The following SRGAP1 variants were observed in gnomAD, a reference collection of about 807,000 sequenced individuals.
The protein encoded by SRGAP1 is SLIT-ROBO Rho GTPase-activating protein 1.
In SRGAP1, 43 loss-of-function variants were observed where a neutral mutation model predicts 121.9. The ratio of observed to expected loss-of-function variants is 0.35; its 90% CI spans 0.28 to 0.46. SRGAP1 has a LOEUF of 0.46. SRGAP1 is among the 20% of genes least tolerant of loss of function. The pLI is 1.00. For missense variants in SRGAP1, 1,102 were observed against 1,350.9 expected (o/e 0.82, Z 2.89); for synonymous variants, 447 against 485.4 (o/e 0.92, Z 1.04).
chr12:64,015,373 G>A (rs983684694), intron 3 of SRGAP1, among the ~76,000 whole-genome samples: 4 of 152,032 alleles, frequency 2.6e-5, no homozygotes, highest in African/African-American at 9.7e-5. Context: ...TCACTCTTGA[G>A]TGATTTGTAA....
intron 14 of SRGAP1, 51 bp downstream of exon 14, chr12:64,095,255 T>C: frequency 6.5e-7 from 1 of 1,530,066 alleles, no homozygotes; most frequent in Non-Finnish European, 9.0e-7. Flanking sequence ...AGTCATCATG[T>C]TCTGTAAACT....
intron 1 of SRGAP1, among the ~76,000 whole-genome samples, chr12:63,874,913 C>T (rs563365897): frequency 3.3e-5 from 5 of 152,018 alleles, no homozygotes; most frequent in African/African-American, 1.2e-4. Context: ...GTCTTTGGTC[C>T]CTTATAAAAA....
At chr12:64,101,007 G>A (rs1378085434) in intron 15 of SRGAP1, among the ~76,000 whole-genome samples, 4 of 152,124 alleles carry the variant, frequency 2.6e-5, no homozygotes, top group African/African-American at 9.7e-5. Context: ...CATTTAAGAG[G>A]CTTAAAATGT....
At chr12:64,137,962 AT>A (rs199664445) in intron 21 of SRGAP1, among the ~76,000 whole-genome samples, 2,587 of 111,682 alleles carry the variant, frequency 0.023, 77 homozygotes, top group African/African-American at 0.072. Context: ...TAAAAAAAAA[AT>A]ATATATATAT....
chr12:63,848,273 A>G (rs1898969223), intron 1 of SRGAP1, among the ~76,000 whole-genome samples: 1 of 152,058 alleles, frequency 6.6e-6, no homozygotes, highest in African/African-American at 2.4e-5. Flanking sequence ...CCACCTCCCA[A>G]AGTGCTGGGA....
chr12:63,905,054 A>G (rs2030136230), intron 1 of SRGAP1, among the ~76,000 whole-genome samples: 1 of 152,136 alleles, frequency 6.6e-6, no homozygotes. Context: ...TTCCAGGAAA[A>G]TTTATGTATC....
At chr12:64,055,356 A>T (rs1199068178) in intron 6 of SRGAP1, among the ~76,000 whole-genome samples, 1 of 149,488 alleles carries the variant, frequency 6.7e-6, no homozygotes, top group Non-Finnish European at 1.5e-5. Flanking sequence ...ATAAAAGAGG[A>T]TACAAACAAA....
chr12:63,965,541 C>T (rs531744193), intron 1 of SRGAP1, among the ~76,000 whole-genome samples: 27 of 152,130 alleles, frequency 1.8e-4, no homozygotes, highest in African/African-American at 5.3e-4. Flanking sequence ...TGTGGTAGCT[C>T]ACACCTATAA....
intron 18 of SRGAP1, among the ~76,000 whole-genome samples, chr12:64,120,238 T>G (rs774464218): frequency 6.6e-6 from 1 of 152,212 alleles, no homozygotes; most frequent in Admixed American, 6.5e-5. Context: ...TCTCACTCAT[T>G]GAGTCTTATT....
intron 1 of SRGAP1, among the ~76,000 whole-genome samples, chr12:63,854,039 A>C (rs1592883350): frequency 6.6e-6 from 1 of 152,212 alleles, no homozygotes; most frequent in African/African-American, 2.4e-5. Flanking sequence ...TGAAATATAC[A>C]TACAAACAGG....
chr12:64,089,628 T>C (rs2036011351), intron 11 of SRGAP1, among the ~76,000 whole-genome samples: 1 of 152,226 alleles, frequency 6.6e-6, no homozygotes, highest in Non-Finnish European at 1.5e-5. Context: ...ATTTCCTCCA[T>C]GAATGGCCAG....
chr12:63,970,282 A>G (rs2032906314), intron 1 of SRGAP1, among the ~76,000 whole-genome samples: 1 of 152,178 alleles, frequency 6.6e-6, no homozygotes, highest in South Asian at 2.1e-4. Flanking sequence ...ATGAAGGAGG[A>G]CAGTATTTCT....
chr12:63,955,275 T>C (rs566942946), intron 1 of SRGAP1, among the ~76,000 whole-genome samples: 1 of 152,256 alleles, frequency 6.6e-6, no homozygotes, highest in Admixed American at 6.5e-5. Context: ...GCCGGGATCA[T>C]GTCACTGCAC....
At chr12:64,046,923 A>C (rs73130140) in intron 6 of SRGAP1, among the ~76,000 whole-genome samples, 28,744 of 152,114 alleles carry the variant, frequency 0.19, 3,363 homozygotes, top group Non-Finnish European at 0.27. Context: ...GACTGAAAAA[A>C]AAAACAAAAC....
intron 7 of SRGAP1, 129 bp downstream of exon 7, chr12:64,063,267 T>TA: frequency 1.2e-6 from 1 of 843,558 alleles, no homozygotes; most frequent in South Asian, 1.8e-5. Context: ...AGGCTCTTAA[T>TA]ATAATGCTAA....
At chr12:63,989,764 A>G (rs1444683179) in intron 2 of SRGAP1, 146 bp from the exon 3 acceptor site, 6 of 588,632 alleles carry the variant, frequency 1.0e-5, no homozygotes, top group African/African-American at 3.8e-5. Context: ...CTGGCTGATA[A>G]GTGTCCTGGT....
chr12:64,076,629 T>C (rs980386561), intron 8 of SRGAP1, among the ~76,000 whole-genome samples: 2 of 152,132 alleles, frequency 1.3e-5, no homozygotes, highest in African/African-American at 4.8e-5. Flanking sequence ...AATATACTAA[T>C]TGAACTCCCA....
intron 1 of SRGAP1, among the ~76,000 whole-genome samples, chr12:63,884,942 G>C (rs1348091319): frequency 5.3e-5 from 8 of 151,936 alleles, no homozygotes; most frequent in Non-Finnish European, 5.9e-5. Context: ...GGATGGCCTC[G>C]ATCTCCTGAC....
At chr12:63,943,492 A>G (rs2136353049) in intron 1 of SRGAP1, among the ~76,000 whole-genome samples, 2 of 152,346 alleles carry the variant, frequency 1.3e-5, no homozygotes, top group East Asian at 3.9e-4. Flanking sequence ...ACTTAAAGAA[A>G]TTGAGGCAAA....
Sources: allele counts gnomAD v4.1 joint callset (sites outside exome capture counted in the v4.1 genomes callset), GRCh38; gene constraint gnomAD v4.1.1; transcripts MANE v1.5; gene names NCBI Gene and HGNC (gene_info 2026-07-23, HGNC 2026-07-21).